The following NOL4 variants were observed in gnomAD, a reference collection of about 807,000 sequenced individuals.
NOL4 encodes cancer/testis antigen 125.
A neutral mutation model predicts 75.9 loss-of-function variants in NOL4; 17 were observed. That is an observed-to-expected ratio of 0.22 (90% CI 0.15 to 0.34). The LOEUF (loss-of-function observed/expected upper bound fraction) is 0.34, where lower values mean the gene tolerates loss of function less well. Among genes scored for constraint, NOL4 ranks in the 10% least tolerant of loss-of-function variants. The probability of loss-of-function intolerance (pLI) is 1.00; values close to 1 mark genes in which losing one functional copy is unlikely to be tolerated. For synonymous variants in NOL4, 292 were observed against 289.9 expected, an observed-to-expected ratio of 1.01 and a Z score of -0.07; for missense variants, 614 against 793.5, an observed-to-expected ratio of 0.77 and a Z score of 2.72.
At chr18:34,184,433 T>C (rs2034298202) in intron 1 of NOL4, among the ~76,000 whole-genome samples, 1 of 152,012 alleles carries the variant, frequency 6.6e-6, no homozygotes. Context: ...TTAGAAGGGA[T>C]AACTAATAAG....
intron 5 of NOL4, among the ~76,000 whole-genome samples, chr18:34,087,428 G>A (rs1467331944): frequency 6.6e-6 from 1 of 152,024 alleles, no homozygotes; most frequent in Non-Finnish European, 1.5e-5. Flanking sequence ...ACATATGTGA[G>A]CATCATTGCT....
chr18:33,921,544 T>C (rs1444022119), intron 9 of NOL4, among the ~76,000 whole-genome samples: 1 of 152,100 alleles, frequency 6.6e-6, no homozygotes, highest in Non-Finnish European at 1.5e-5. Context: ...TACTTCAAAA[T>C]AACTTGTATT....
rs752041747 is a variant in NOL4, at chr18:34,223,016, C to G, written c.238G>C (p.Val80Leu). ...GTGGTCTTGACAGGCACGTAGAGCA[C>G]TTGCTTGGCGCCGCCGCCTCCCCCG... Reference protein sequence around the residue: ...VRGGGGGAKQVLYVPVKTTDG... With the variant: ...VRGGGGGAKQLLYVPVKTTDG... Residue 80 changes from valine (V) to leucine (L), a missense_variant, in exon 1 of 11, where the codon GTG becomes CTG. Around this residue, in one of 9 missense-constraint regions of NOL4, gnomAD observed 49 missense variants for 39.6 expected, o/e 1.24. Transcript: ENST00000261592. The G allele has an allele frequency of 8.1e-6, 13 of 1,610,598 alleles. No homozygotes were observed. The highest frequency in any genetic ancestry group is 1.1e-5 in the Non-Finnish European group (13 of 1,179,850).
chr18:33,956,725 A>G (rs1195948279), intron 8 of NOL4, among the ~76,000 whole-genome samples: 5 of 152,160 alleles, frequency 3.3e-5, no homozygotes, highest in Admixed American at 3.3e-4. Context: ...TCATCTGTCT[A>G]TAACATCCAC....
At chr18:34,164,709 A>C (rs899625252) in intron 1 of NOL4, among the ~76,000 whole-genome samples, 3 of 152,038 alleles carry the variant, frequency 2.0e-5, no homozygotes, top group Non-Finnish European at 2.9e-5. Context: ...TTGAACTAGA[A>C]ATACCATTTG....
chr18:34,095,614 T>G (rs1237511253), intron 4 of NOL4, among the ~76,000 whole-genome samples: 3 of 152,092 alleles, frequency 2.0e-5, no homozygotes, highest in Non-Finnish European at 4.4e-5. Flanking sequence ...CAGAGTCACA[T>G]GTGGAGTGAG....
chr18:34,048,550 G>C, intron 5 of NOL4: 10 of 985,386 alleles, frequency 1.0e-5, no homozygotes, highest in Non-Finnish European at 1.2e-5. Flanking sequence ...AGTGCACCCA[G>C]GGATTAGTCT....
chr18:33,888,719 A>T (rs1389549183), intron 9 of NOL4, among the ~76,000 whole-genome samples: 1 of 152,102 alleles, frequency 6.6e-6, no homozygotes, highest in Non-Finnish European at 1.5e-5. Context: ...ATCAAAGATC[A>T]GATGGTTGTA....
At chr18:34,038,007 A>G (rs2075984036) in intron 5 of NOL4, among the ~76,000 whole-genome samples, 1 of 152,172 alleles carries the variant, frequency 6.6e-6, no homozygotes, top group African/African-American at 2.4e-5. Flanking sequence ...GTGGGGACTA[A>G]TACCCAAAAT....
chr18:34,152,931 C>A (rs2081714472), intron 1 of NOL4, among the ~76,000 whole-genome samples: 1 of 151,550 alleles, frequency 6.6e-6, no homozygotes, highest in Non-Finnish European at 1.5e-5. Context: ...CAATTTTTCC[C>A]CAAATCACAT....
chr18:34,068,581 G>C (rs1268094968), intron 5 of NOL4, among the ~76,000 whole-genome samples: 1 of 151,924 alleles, frequency 6.6e-6, no homozygotes, highest in East Asian at 1.9e-4. Flanking sequence ...CGTATGTTTA[G>C]TAGAGACAGG....
chr18:33,945,806 G>C (rs1049889603), intron 8 of NOL4, among the ~76,000 whole-genome samples: 2 of 151,650 alleles, frequency 1.3e-5, no homozygotes, highest in African/African-American at 4.8e-5. Context: ...TTTATTGTAG[G>C]ATCATAAGTT....
chr18:34,051,597 G>A (rs1243418336), intron 5 of NOL4, among the ~76,000 whole-genome samples: 1 of 152,028 alleles, frequency 6.6e-6, no homozygotes, highest in Non-Finnish European at 1.5e-5. Context: ...TATTGTAGTA[G>A]GTGCTGGGAT....
At chr18:33,958,146 CAT>C (rs2069797565) in intron 7 of NOL4, 91 bp downstream of exon 7, 3 of 1,172,236 alleles carry the variant, frequency 2.6e-6, no homozygotes, top group African/African-American at 1.5e-5. Context: ...ATTAAACAAA[CAT>C]GTCTCTAAAA....
chr18:34,168,384 A>C (rs1056877351), intron 1 of NOL4, among the ~76,000 whole-genome samples: 2 of 151,836 alleles, frequency 1.3e-5, no homozygotes, highest in South Asian at 4.1e-4. Context: ...CCAGAAAATT[A>C]AGAAATTTTA....
At chr18:34,085,229 C>T (rs751698752) in intron 5 of NOL4, among the ~76,000 whole-genome samples, 7 of 152,138 alleles carry the variant, frequency 4.6e-5, no homozygotes, top group Non-Finnish European at 1.0e-4. Context: ...CCTTAACAGA[C>T]AGACAGAAAT....
chr18:34,040,168 T>A (rs1453402088), intron 5 of NOL4, among the ~76,000 whole-genome samples: 1 of 151,996 alleles, frequency 6.6e-6, no homozygotes, highest in Non-Finnish European at 1.5e-5. Context: ...AACGATCGAT[T>A]GATCTATTTA....
At chr18:33,957,239 A>G (rs2069720032) in intron 8 of NOL4, 87 bp downstream of exon 8, 1 of 1,120,152 alleles carries the variant, frequency 8.9e-7, no homozygotes. Context: ...AAATAAAAAA[A>G]GACACTAAGA....
intron 10 of NOL4, among the ~76,000 whole-genome samples, chr18:33,881,889 GA>G (rs2064302390): frequency 6.6e-6 from 1 of 151,996 alleles, no homozygotes; most frequent in African/African-American, 2.4e-5. Context: ...AGAGCCCTCA[GA>G]AATAAAGCCG....
Sources: allele counts gnomAD v4.1 joint callset (sites outside exome capture counted in the v4.1 genomes callset), GRCh38; gene constraint gnomAD v4.1.1; regional missense constraint gnomAD v4.1.1; transcripts MANE v1.5; gene names NCBI Gene and HGNC (gene_info 2026-07-23, HGNC 2026-07-21).